The following FGF14 variants were observed in gnomAD, a reference collection of about 807,000 sequenced individuals.
FGF14 encodes the protein fibroblast growth factor 14, also known as fibroblast growth factor homologous factor 4.
In FGF14, 5 loss-of-function variants were observed where a neutral mutation model predicts 25.5. The ratio of observed to expected loss-of-function variants is 0.20; its 90% CI spans 0.10 to 0.41. FGF14 has a LOEUF of 0.41. Among genes scored for constraint, FGF14 ranks in the 10% least tolerant of loss-of-function variants. The pLI is 1.00. For synonymous variants in FGF14, 138 were observed against 118.3 expected (o/e 1.17, Z -1.08); for missense variants, 222 against 320.1 (o/e 0.69, Z 2.34).
chr13:102,375,946 T>C (rs1262645700), intron 1 of FGF14, among the ~76,000 whole-genome samples: 3 of 152,212 alleles, frequency 2.0e-5, no homozygotes, highest in Non-Finnish European at 4.4e-5. Context: ...CTGTTAATTT[T>C]GAAGCTGTAG....
chr13:102,217,203 A>T (rs1162913588), intron 1 of FGF14, among the ~76,000 whole-genome samples: 1 of 152,246 alleles, frequency 6.6e-6, no homozygotes, highest in East Asian at 1.9e-4. Flanking sequence ...TGGCAATTTA[A>T]AACTTTATGA....
At chr13:102,306,911 A>G (rs145336393) in intron 1 of FGF14, among the ~76,000 whole-genome samples, 1 of 152,260 alleles carries the variant, frequency 6.6e-6, no homozygotes, top group East Asian at 1.9e-4. Flanking sequence ...TGCCCATATT[A>G]TCATACATGG....
At chr13:101,877,658 A>G (rs1006342391) in intron 1 of FGF14, among the ~76,000 whole-genome samples, 2 of 152,146 alleles carry the variant, frequency 1.3e-5, no homozygotes, top group African/African-American at 4.8e-5. Flanking sequence ...ACCAAAACCA[A>G]CTTGTATTTT....
intron 1 of FGF14, among the ~76,000 whole-genome samples, chr13:101,937,687 C>T (rs1442275970): frequency 1.3e-5 from 2 of 152,172 alleles, no homozygotes; most frequent in African/African-American, 2.4e-5. Flanking sequence ...CTCTGCCTCC[C>T]GGATTCAAGC....
At chr13:102,102,615 A>G (rs1595280753) in intron 1 of FGF14, among the ~76,000 whole-genome samples, 4 of 152,306 alleles carry the variant, frequency 2.6e-5, no homozygotes, top group Admixed American at 2.6e-4. Flanking sequence ...CTGCCACTGA[A>G]TATCACAATA....
intron 1 of FGF14, among the ~76,000 whole-genome samples, chr13:102,113,108 G>C (rs1040936073): frequency 4.6e-5 from 7 of 152,306 alleles, no homozygotes; most frequent in African/African-American, 1.7e-4. Flanking sequence ...CAGATCTAAA[G>C]ACAAATATTT....
At chr13:101,902,971 A>C (rs552475903) in intron 1 of FGF14, among the ~76,000 whole-genome samples, 1 of 152,330 alleles carries the variant, frequency 6.6e-6, no homozygotes, top group East Asian at 1.9e-4. Context: ...CTGTTATCTC[A>C]AACTGGTTAG....
chr13:101,745,007 G>A (rs1383813256), intron 3 of FGF14, among the ~76,000 whole-genome samples: 1 of 151,984 alleles, frequency 6.6e-6, no homozygotes, highest in African/African-American at 2.4e-5. Context: ...GACTAGAATG[G>A]CAGAAATGAC....
intron 3 of FGF14, among the ~76,000 whole-genome samples, chr13:101,841,816 C>T (rs961551906): frequency 6.6e-6 from 1 of 151,812 alleles, no homozygotes; most frequent in Non-Finnish European, 1.5e-5. Context: ...TCATCTGTGT[C>T]CCTGAATTAC....
At chr13:102,128,458 T>C (rs1361216108) in intron 1 of FGF14, among the ~76,000 whole-genome samples, 1 of 152,166 alleles carries the variant, frequency 6.6e-6, no homozygotes, top group Non-Finnish European at 1.5e-5. Flanking sequence ...ATTCTGTAAT[T>C]CCCATTTGGC....
chr13:101,941,155 A>G (rs1485847627), intron 1 of FGF14, among the ~76,000 whole-genome samples: 1 of 152,216 alleles, frequency 6.6e-6, no homozygotes, highest in African/African-American at 2.4e-5. Context: ...AAATCTCAAA[A>G]AATGGGATTC....
At position 101,740,640 on chromosome 13, in the gene FGF14, A is replaced by T. The variant is rs148955109; in HGVS notation, c.409-13830T>A. Among the ~76,000 whole-genome samples, 28 of 152,224 alleles carry T rather than the reference A, an allele frequency of 1.8e-4. 3 individuals are homozygous for T. The East Asian group carries it at 5.4e-3, about 29-fold the overall frequency. On this transcript the variant is annotated intron_variant, in intron 3 of 4. Coordinates refer to ENST00000376143, the MANE Select transcript of FGF14 (RefSeq NM_004115.4). The stretch of plus-strand genomic sequence containing the variant: ...GTTCATTGGTGCTTCTGAAAGGTCA[A>T]ATATTGCAGTTTTGTATTCTTGGGC...
At chr13:102,277,036 A>C (rs1046197134) in intron 1 of FGF14, among the ~76,000 whole-genome samples, 2 of 152,204 alleles carry the variant, frequency 1.3e-5, no homozygotes, top group Non-Finnish European at 2.9e-5. Context: ...CCTAACTTTC[A>C]TCATTTTAAA....
At chr13:102,015,167 C>A (rs1381853369) in intron 1 of FGF14, among the ~76,000 whole-genome samples, 2 of 152,168 alleles carry the variant, frequency 1.3e-5, no homozygotes, top group African/African-American at 4.8e-5. Context: ...CTCAGTCTCC[C>A]AAATTGCTGA....
chr13:101,723,136 C>A, intron 4 of FGF14, 169 bp from the exon 5 acceptor site: 5 of 759,348 alleles, frequency 6.6e-6, no homozygotes, highest in Non-Finnish European at 1.1e-5. Context: ...ATTTCCAGCC[C>A]ACAGAGGACA....
chr13:102,256,067 A>C (rs1015315721), intron 1 of FGF14, among the ~76,000 whole-genome samples: 1 of 152,226 alleles, frequency 6.6e-6, no homozygotes, highest in African/African-American at 2.4e-5. Context: ...ACTTGGGGAC[A>C]GGTGAGGCAC....
chr13:102,071,918 C>T (rs1269724468), intron 1 of FGF14, among the ~76,000 whole-genome samples: 1 of 152,152 alleles, frequency 6.6e-6, no homozygotes, highest in African/African-American at 2.4e-5. Context: ...AACAGACTTA[C>T]TATTGGCAAA....
rs60149871 is a variant in FGF14, at chr13:102,201,102, C to CAAA, written c.208+200366_208+200368dup. 1.1e-3 allele frequency among the ~76,000 whole-genome samples: 68 copies of CAAA among 62,724 alleles called. 2 individuals are homozygous for CAAA. Among genetic ancestry groups the CAAA allele is most frequent in the African/African-American group, 2.0e-3 (31 of 15,274 alleles). 41.1% of individuals were successfully genotyped at this position (62,724 alleles called of 152,430 possible). ...GGCGACAGAGCGAGACTCCGTCTCT[C>CAAA]AAAAAAAAAAAAAAAAAAAAAAAAA... is the stretch of plus-strand genomic sequence containing the variant. On this transcript the variant is annotated intron_variant, in intron 1 of 4. Transcript: ENST00000376131.
chr13:102,108,821 C>G (rs138640706), intron 1 of FGF14, among the ~76,000 whole-genome samples: 100 of 152,288 alleles, frequency 6.6e-4, no homozygotes, highest in African/African-American at 2.3e-3. Flanking sequence ...CCCTCGTTGG[C>G]TTTAAATAAT....
Sources: gnomAD v4.1 joint callset for allele counts (sites outside exome capture counted in the v4.1 genomes callset) on GRCh38, gnomAD v4.1.1 for gene constraint, MANE v1.5 for transcripts, NCBI Gene and HGNC (gene_info 2026-07-23, HGNC 2026-07-21) for gene names.